Variants in RBFOX3 observed in about 807,000 individuals in gnomAD.
RBFOX3 encodes RNA binding protein fox-1 homolog 3.
RBFOX3 carries 17 observed loss-of-function variants against 48.7 expected under a neutral mutation model. That is an observed-to-expected ratio of 0.35 (90% CI 0.24 to 0.52). The LOEUF is 0.52. Among genes scored for constraint, RBFOX3 ranks in the 20% least tolerant of loss-of-function variants. RBFOX3 has a pLI of 0.94. For synonymous variants in RBFOX3, 212 were observed against 209.5 expected (o/e 1.01, Z -0.10); for missense variants, 382 against 497.5 (o/e 0.77, Z 2.21).
chr17:79,228,550 C>A (rs534310679), intron 4 of RBFOX3, among the ~76,000 whole-genome samples: 1 of 152,300 alleles, frequency 6.6e-6, no homozygotes, highest in South Asian at 2.1e-4. Context: ...CACAAAACCA[C>A]CCAACTGGAT....
the RBFOX3 span, among the ~76,000 whole-genome samples, chr17:79,644,308 C>A: frequency 1.3e-5 from 2 of 151,792 alleles, no homozygotes; most frequent in Non-Finnish European, 2.9e-5. Context: ...GTAAAATCTT[C>A]CCAGTATGCT....
intron 2 of RBFOX3, among the ~76,000 whole-genome samples, chr17:79,444,691 G>A (rs7210922): frequency 0.089 from 13,474 of 151,932 alleles, 859 homozygotes; most frequent in Non-Finnish European, 0.13. Context: ...TGCCTTATAA[G>A]CCCGCATTTG....
intron 3 of RBFOX3, among the ~76,000 whole-genome samples, chr17:79,286,087 G>C (rs535812459): frequency 1.3e-3 from 192 of 152,296 alleles, no homozygotes; most frequent in Admixed American, 3.2e-3. Flanking sequence ...AGCTGGCACT[G>C]TGACCTTCTA....
chr17:79,106,523 G>T, intron 6 of RBFOX3, 128 bp downstream of exon 6: 1 of 1,216,082 alleles, frequency 8.2e-7, no homozygotes, highest in Non-Finnish European at 1.1e-6. Flanking sequence ...GGCCCCGGAG[G>T]CTCCCTGCGC....
intron 1 of RBFOX3, chr17:79,603,692 C>G (rs2145409653): frequency 6.6e-6 from 1 of 152,384 alleles, no homozygotes; most frequent in South Asian, 2.1e-4. Context: ...TAACCCTGAC[C>G]CTTCCGAACC....
chr17:79,277,092 G>A (rs1420977719), intron 3 of RBFOX3, among the ~76,000 whole-genome samples: 2 of 152,160 alleles, frequency 1.3e-5, no homozygotes, highest in Non-Finnish European at 2.9e-5. Context: ...GTGACACTGG[G>A]CACATTGAGC....
At chr17:79,223,396 A>G (rs2147502299) in intron 4 of RBFOX3, among the ~76,000 whole-genome samples, 1 of 152,226 alleles carries the variant, frequency 6.6e-6, no homozygotes, top group South Asian at 2.1e-4. Flanking sequence ...CTGCGTATAC[A>G]TGCATGGTCA....
chr17:79,318,118 C>G (rs1436329716), intron 2 of RBFOX3, among the ~76,000 whole-genome samples: 1 of 152,202 alleles, frequency 6.6e-6, no homozygotes, highest in African/African-American at 2.4e-5. Flanking sequence ...ACAGAGCTTA[C>G]AACTGGGGAG....
In RBFOX3 at chr17:79,096,688, C is replaced by A. The variant is rs1465690990; in HGVS notation, c.901G>T (p.Val301Leu). The change falls in exon 12 of 15, where the codon GTG becomes TTG. Residue 301 changes from valine (V) to leucine (L), a missense_variant. Transcript: ENST00000693108. ...GCACCATAAAATCCATCCTGATACA[C>A]GACCCTGGAAGCAAACGGACAAGAA... ...PLSCPFASRV[V>L]YQDGFYGAEI... is the part of the protein sequence containing the mutation. The A allele has an allele frequency of 7.1e-6, 11 of 1,550,560 alleles. No homozygotes were observed. Among genetic ancestry groups the A allele is most frequent in the South Asian group, 1.2e-5 (1 of 84,048 alleles).
At chr17:79,415,072 C>T (rs2065100608) in intron 2 of RBFOX3, among the ~76,000 whole-genome samples, 1 of 152,226 alleles carries the variant, frequency 6.6e-6, no homozygotes, top group African/African-American at 2.4e-5. Flanking sequence ...CCCAGGGCCA[C>T]CAGGCTGCAA....
rs35927064 is a variant in RBFOX3 at position 79,242,731 on chromosome 17, C to G, written c.-73-6926G>C. ...TTGGGTTCTGAGCACACTGCCCATA[C>G]TTAGGTCTGTGGGAAGGGCCACCCC... On this transcript the variant is annotated intron_variant, in intron 3 of 14. Transcript: ENST00000693108. This position sits in a 1 kb window ranked among gnomAD's most constrained non-coding sequence, Gnocchi z 5.8. Among the ~76,000 whole-genome samples the G allele has an allele frequency of 3.4e-3, 517 of 152,230 alleles. 2 individuals are homozygous for G. The highest frequency in any genetic ancestry group is 6.2e-3 in the Non-Finnish European group (423 of 68,000).
intron 2 of RBFOX3, among the ~76,000 whole-genome samples, chr17:79,323,153 A>G (rs1473945199): frequency 1.3e-5 from 2 of 152,214 alleles, no homozygotes; most frequent in African/African-American, 4.8e-5. Flanking sequence ...AAGATTATTG[A>G]TATTCTGATC....
chr17:79,534,306 A>T (rs2075089993), intron 1 of RBFOX3, among the ~76,000 whole-genome samples: 1 of 152,216 alleles, frequency 6.6e-6, no homozygotes. Context: ...CTCTCCCTGC[A>T]GGTGGGAAGT....
At chr17:79,314,459 A>C (rs2077263087) in intron 2 of RBFOX3, among the ~76,000 whole-genome samples, 1 of 152,166 alleles carries the variant, frequency 6.6e-6, no homozygotes, top group Non-Finnish European at 1.5e-5. Flanking sequence ...GCCTCGCAGG[A>C]CCTGGACAAG....
chr17:79,518,193 G>T (rs2085520034), intron 1 of RBFOX3, among the ~76,000 whole-genome samples: 1 of 152,184 alleles, frequency 6.6e-6, no homozygotes. Flanking sequence ...AGCACAAGTG[G>T]ATAATGTAGG....
At chr17:79,547,477 A>G (rs59853500) in intron 1 of RBFOX3, among the ~76,000 whole-genome samples, 85,486 of 151,950 alleles carry the variant, frequency 0.56, 24,436 homozygotes, top group East Asian at 0.82. Flanking sequence ...AAAACAAAAA[A>G]ACTGTTGCTT....
chr17:79,495,537 T>TGGGAAGGTGGGGGAGGGGTGCAGAGGGG (rs2081341467), intron 1 of RBFOX3, among the ~76,000 whole-genome samples: 1 of 8,224 alleles, frequency 1.2e-4, no homozygotes, highest in Admixed American at 1.5e-3. Flanking sequence ...GTGCAGAGGG[T>TGGGAAGGTGGGGGAGGGGTGCAGAGGGG]GGGGAGGTGG....
At chr17:79,331,869 C>T (rs891194611) in intron 2 of RBFOX3, among the ~76,000 whole-genome samples, 11 of 152,350 alleles carry the variant, frequency 7.2e-5, no homozygotes, top group Admixed American at 3.9e-4. Flanking sequence ...CCTGGAAGCA[C>T]GGAGGGTCCC....
intron 2 of RBFOX3, among the ~76,000 whole-genome samples, chr17:79,322,157 G>A (rs549776892): frequency 1.3e-5 from 2 of 152,292 alleles, no homozygotes; most frequent in African/African-American, 4.8e-5. Flanking sequence ...GGAGGGGCAA[G>A]AGGACTTGCA....
Sources: allele counts gnomAD v4.1 joint callset (sites outside exome capture counted in the v4.1 genomes callset), GRCh38; gene constraint gnomAD v4.1.1; non-coding constraint Gnocchi (gnomAD v3.1); transcripts MANE v1.5; gene names NCBI Gene and HGNC (gene_info 2026-07-23, HGNC 2026-07-21).